The following CNTNAP3B variants were observed in gnomAD, a reference collection of about 807,000 sequenced individuals.
CNTNAP3B encodes the protein contactin associated protein family member 3B.
CNTNAP3B carries 25 observed loss-of-function variants against 108.9 expected under a neutral mutation model. The ratio of observed to expected loss-of-function variants is 0.23; its 90% CI spans 0.17 to 0.32. The LOEUF (loss-of-function observed/expected upper bound fraction) is 0.32. Among genes scored for constraint, CNTNAP3B ranks in the 10% least tolerant of loss-of-function variants. The pLI, the probability that CNTNAP3B is intolerant of heterozygous loss-of-function variation, is 1.00. For synonymous variants in CNTNAP3B, 103 were observed against 473.4 expected (o/e 0.22, Z 10.16); for missense variants, 252 against 1,210.4 (o/e 0.21, Z 11.75).
At chr9:41,919,349 C>G (rs1473275605) in intron 18 of CNTNAP3B, among the ~76,000 whole-genome samples, 2 of 151,956 alleles carry the variant, frequency 1.3e-5, no homozygotes, top group Admixed American at 1.3e-4. Flanking sequence ...TTCCTGACCT[C>G]GTGATCCGCC....
Position 42,053,924 on chromosome 9 carries a change from T to A in CNTNAP3B, c.390+22945A>T, listed in dbSNP as rs539587186. ...CACACCCACCCAAACCATGGCAGAC[T>A]TGTATTGATGCATTTTCCCCTTCCA... On this transcript the variant is annotated intron_variant, in intron 3 of 23. Transcript: ENST00000377561. Among the ~76,000 whole-genome samples the A allele has an allele frequency of 6.0e-5, 9 of 150,848 alleles. No individual in the cohort carries two copies. In the South Asian group the frequency reaches 1.7e-3, roughly 28 times the overall value.
At chr9:41,955,827 G>A (rs1423388613) in intron 12 of CNTNAP3B, among the ~76,000 whole-genome samples, 1 of 152,274 alleles carries the variant, frequency 6.6e-6, no homozygotes, top group African/African-American at 2.4e-5. Context: ...TTTAACTCAT[G>A]ATTTTGATTG....
Position 42,036,774 on chromosome 9 carries a change from A to G in CNTNAP3B, c.391-23249T>C, listed in dbSNP as rs1826641036. Reference sequence around the variant, plus strand: ...ACAAGTGGGTCCCTGACCCCCGAGTAGCCTAACTGGGAGGCACCTCCAAGT... The same window carrying G: ...ACAAGTGGGTCCCTGACCCCCGAGTGGCCTAACTGGGAGGCACCTCCAAGT... On this transcript the variant is annotated intron_variant, in intron 3 of 23. Coordinates refer to ENST00000377561, the MANE Select transcript of CNTNAP3B (RefSeq NM_001201380.3). Among the ~76,000 whole-genome samples, 2 of 137,082 alleles carry G rather than the reference A, an allele frequency of 1.5e-5. 1 individual carries two copies. Among genetic ancestry groups the G allele is most frequent in the African/African-American group, 5.9e-5 (2 of 34,134 alleles). The allele number at this position is 137,082 out of a possible 152,430, so 89.9% of individuals were successfully genotyped here. A position where few individuals can be genotyped will look rare whatever the true frequency, so the allele number is the denominator to read the frequency against.
intron 3 of CNTNAP3B, among the ~76,000 whole-genome samples, chr9:42,041,835 C>T (rs1233364665): frequency 1.4e-5 from 2 of 144,268 alleles, no homozygotes; most frequent in Non-Finnish European, 3.0e-5. Context: ...TGGAACCAAC[C>T]CAAATGTCCA....
intron 2 of CNTNAP3B, among the ~76,000 whole-genome samples, chr9:42,096,950 G>T (rs1827913704): frequency 7.8e-6 from 1 of 128,892 alleles, no homozygotes; most frequent in African/African-American, 3.2e-5. Flanking sequence ...ACAGGGTTTT[G>T]ATGTTGCCCA....
At chr9:41,952,357 G>T (rs1272142047) in intron 13 of CNTNAP3B, among the ~76,000 whole-genome samples, 3 of 152,186 alleles carry the variant, frequency 2.0e-5, no homozygotes, top group African/African-American at 7.2e-5. Flanking sequence ...CTGCAGCCTG[G>T]ACTTCCTGGG....
chr9:42,054,746 T>A (rs1827026520), intron 3 of CNTNAP3B, among the ~76,000 whole-genome samples: 1 of 151,478 alleles, frequency 6.6e-6, no homozygotes, highest in African/African-American at 2.4e-5. Flanking sequence ...GCTATTTATT[T>A]CTGTCGGGTT....
intron 13 of CNTNAP3B, among the ~76,000 whole-genome samples, chr9:41,944,256 G>A (rs1824454840): frequency 2.0e-5 from 3 of 148,612 alleles, no homozygotes; most frequent in South Asian, 2.2e-4. Context: ...AAAGGTAGGA[G>A]CATTAGAGAA....
At chr9:42,035,673 TTA>T (rs1826609997) in intron 3 of CNTNAP3B, among the ~76,000 whole-genome samples, 1 of 150,912 alleles carries the variant, frequency 6.6e-6, no homozygotes. Flanking sequence ...TTTTATTGTT[TTA>T]GAGACAGGGT....
At chr9:41,964,853 G>C (rs1414044349) in intron 10 of CNTNAP3B, among the ~76,000 whole-genome samples, 3 of 152,270 alleles carry the variant, frequency 2.0e-5, no homozygotes, top group Non-Finnish European at 2.9e-5. Flanking sequence ...TTAGGTTTCT[G>C]TGACAGCTGA....
chr9:41,916,420 C>T (rs1387385265), intron 18 of CNTNAP3B, among the ~76,000 whole-genome samples: 7 of 151,722 alleles, frequency 4.6e-5, no homozygotes, highest in Middle Eastern at 3.4e-3. Flanking sequence ...TTTATTAGTG[C>T]TATTTGTTTT....
chr9:42,096,027 G>A (rs575612571), intron 2 of CNTNAP3B, among the ~76,000 whole-genome samples: 1 of 138,726 alleles, frequency 7.2e-6, no homozygotes, highest in East Asian at 2.2e-4. Flanking sequence ...CAGGAACATG[G>A]TCTTGCTCAC....
intron 17 of CNTNAP3B, among the ~76,000 whole-genome samples, 189 bp downstream of exon 17, chr9:41,922,484 AAAAC>A (rs375959208): frequency 7.2e-6 from 1 of 138,130 alleles, no homozygotes; most frequent in Admixed American, 7.3e-5. Context: ...AATAAAAACA[AAAAC>A]AAACAAACAA....
At chr9:42,012,157 G>C (rs199958461) in intron 4 of CNTNAP3B, among the ~76,000 whole-genome samples, 1 of 82,406 alleles carries the variant, frequency 1.2e-5, no homozygotes, top group Non-Finnish European at 2.6e-5. Context: ...TTCCACTTTG[G>C]AGTCAGTAAA....
intron 13 of CNTNAP3B, among the ~76,000 whole-genome samples, chr9:41,949,975 C>CA (rs1230340085): frequency 6.6e-6 from 1 of 151,900 alleles, no homozygotes; most frequent in African/African-American, 2.4e-5. Context: ...TCGCAAATCA[C>CA]ATATCCAACA....
At chr9:42,097,001 C>T (rs1382819337) in intron 2 of CNTNAP3B, among the ~76,000 whole-genome samples, 1 of 135,526 alleles carries the variant, frequency 7.4e-6, no homozygotes, top group African/African-American at 3.0e-5. Flanking sequence ...ATCCAACCGC[C>T]TCAGCCTCCC....
At chr9:42,125,263 G>C (rs1828541422) in intron 1 of CNTNAP3B, among the ~76,000 whole-genome samples, 2 of 138,502 alleles carry the variant, frequency 1.4e-5, no homozygotes, top group African/African-American at 5.8e-5. Context: ...TGTTTTCTTA[G>C]CCTCTGTCAA....
chr9:42,019,903 A>G (rs1248776980), intron 3 of CNTNAP3B, among the ~76,000 whole-genome samples: 2 of 132,408 alleles, frequency 1.5e-5, no homozygotes, highest in Non-Finnish European at 3.2e-5. Context: ...CAGCAAGAGT[A>G]CCTTATTGAA....
At chr9:41,947,325 C>T (rs1314585405) in intron 13 of CNTNAP3B, among the ~76,000 whole-genome samples, 21 of 152,118 alleles carry the variant, frequency 1.4e-4, no homozygotes, top group Non-Finnish European at 2.6e-4. Context: ...ATTCTCTAAG[C>T]ATAATGGAAT....
Sources: gnomAD v4.1 joint callset for allele counts (sites outside exome capture counted in the v4.1 genomes callset) on GRCh38, gnomAD v4.1.1 for gene constraint, MANE v1.5 for transcripts, NCBI Gene and HGNC (gene_info 2026-07-23, HGNC 2026-07-21) for gene names.